CERS6: variants seen among roughly 807,000 people sequenced by gnomAD.
CERS6 encodes LAG1 homolog, ceramide synthase 6.
Under a neutral mutation model 56.8 loss-of-function variants are expected in CERS6, and 26 were observed. The observed-to-expected ratio is 0.46, with a 90% confidence interval of 0.34 to 0.63. The LOEUF (loss-of-function observed/expected upper bound fraction) is 0.63, where lower values mean the gene tolerates loss of function less well. CERS6 is among the 30% of genes least tolerant of loss of function. The pLI is 0.01. For synonymous variants in CERS6, 164 were observed against 173.3 expected (o/e 0.95, Z 0.42); for missense variants, 415 against 467.5 (o/e 0.89, Z 1.04).
chr2:168,645,187 A>AGT, intron 4 of CERS6, among the ~76,000 whole-genome samples: 1 of 95,192 alleles, frequency 1.1e-5, no homozygotes, highest in Non-Finnish European at 2.0e-5. Context: ...AGAGAGAGAG[A>AGT]GAGTAACTTC....
intron 8 of CERS6, among the ~76,000 whole-genome samples, chr2:168,751,209 T>C: frequency 6.6e-6 from 1 of 152,206 alleles, no homozygotes; most frequent in East Asian, 1.9e-4. Flanking sequence ...ACTTATTTAC[T>C]GCAATACTAA....
chr2:168,500,592 T>C (rs1694562054), intron 1 of CERS6, among the ~76,000 whole-genome samples: 1 of 152,294 alleles, frequency 6.6e-6, no homozygotes, highest in African/African-American at 2.4e-5. Flanking sequence ...GGGGGACAAT[T>C]ACAAGGAGGT....
chr2:168,665,697 T>A (rs1322450976), intron 4 of CERS6, among the ~76,000 whole-genome samples: 1 of 147,364 alleles, frequency 6.8e-6, no homozygotes, highest in Non-Finnish European at 1.5e-5. Context: ...TCTTTACATG[T>A]TCACTGCTGT....
intron 6 of CERS6, 103 bp from the exon 7 acceptor site, chr2:168,714,898 A>G (rs2105388901): frequency 2.0e-6 from 2 of 1,002,370 alleles, no homozygotes; most frequent in African/African-American, 1.6e-5. Context: ...CCTCAGTGCT[A>G]GGTTTGTGGA....
intron 1 of CERS6, among the ~76,000 whole-genome samples, chr2:168,485,684 A>G (rs1280250628): frequency 1.3e-5 from 2 of 152,166 alleles, no homozygotes; most frequent in Non-Finnish European, 2.9e-5. Context: ...TTGATAATTC[A>G]TTTTGTATGG....
intron 8 of CERS6, among the ~76,000 whole-genome samples, chr2:168,744,151 A>G (rs13026784): frequency 0.53 from 79,905 of 150,790 alleles, 23,567 homozygotes; most frequent in Admixed American, 0.64. Flanking sequence ...GACTACAGGC[A>G]CCCACCACCA....
At position 168,645,018 on chromosome 2, in the gene CERS6, G is replaced by A. The variant is rs1438280128; in HGVS notation, c.465+13976G>A. ...GAGGCAGGAGAATTTCTTGAACCCG[G>A]GGGCGGAGGTTGCAGTGAGCCGAGA... On this transcript the variant is annotated intron_variant, in intron 4 of 9. Transcript: ENST00000305747. 1.6e-4 allele frequency among the ~76,000 whole-genome samples: 23 copies of A among 140,852 alleles called. 1 individual carries two copies. Among genetic ancestry groups the A allele is most frequent in the African/African-American group, 5.3e-4 (20 of 37,560 alleles). The allele number at this position is 140,852 out of a possible 152,430, so 92.4% of individuals were successfully genotyped here.
intron 4 of CERS6, among the ~76,000 whole-genome samples, chr2:168,671,325 C>G (rs996579018): frequency 6.6e-6 from 1 of 152,056 alleles, no homozygotes; most frequent in Non-Finnish European, 1.5e-5. Context: ...TGCCAGCGTT[C>G]AGTTTGATTA....
At chr2:168,647,196 G>T (rs1029836131) in intron 4 of CERS6, among the ~76,000 whole-genome samples, 1 of 152,106 alleles carries the variant, frequency 6.6e-6, no homozygotes, top group Non-Finnish European at 1.5e-5. Context: ...TGTCTTCACT[G>T]ATTTCTTTGA....
intron 3 of CERS6, among the ~76,000 whole-genome samples, chr2:168,611,445 A>C (rs1471014244): frequency 6.6e-6 from 1 of 152,262 alleles, no homozygotes; most frequent in Non-Finnish European, 1.5e-5. Flanking sequence ...AAGGTCTTAC[A>C]TGATGACTTT....
chr2:168,690,865 A>T (rs1426140968), intron 4 of CERS6, among the ~76,000 whole-genome samples, 169 bp from the exon 5 acceptor site: 1 of 152,176 alleles, frequency 6.6e-6, no homozygotes, highest in Non-Finnish European at 1.5e-5. Flanking sequence ...ATATTGTATG[A>T]TACTAGTTGC....
At chr2:168,766,033 T>C (rs1244722956) in intron 9 of CERS6, among the ~76,000 whole-genome samples, 1 of 152,220 alleles carries the variant, frequency 6.6e-6, no homozygotes, top group Non-Finnish European at 1.5e-5. Flanking sequence ...CCTCTGATTA[T>C]ATTTATACTG....
At chr2:168,743,533 G>T (rs146358242) in intron 8 of CERS6, among the ~76,000 whole-genome samples, 385 of 119,012 alleles carry the variant, frequency 3.2e-3, no homozygotes, top group Non-Finnish European at 5.6e-3. Context: ...TACTTGGGAA[G>T]CTGAGGCGAG....
intron 1 of CERS6, among the ~76,000 whole-genome samples, chr2:168,497,421 G>A (rs150989978): frequency 2.6e-5 from 4 of 152,110 alleles, no homozygotes; most frequent in African/African-American, 7.2e-5. Flanking sequence ...AGGAAAGAAA[G>A]AAAAGAAAGA....
At chr2:168,562,623 T>G (rs932006238) in intron 3 of CERS6, among the ~76,000 whole-genome samples, 70 of 152,294 alleles carry the variant, frequency 4.6e-4, no homozygotes, top group African/African-American at 1.6e-3. Flanking sequence ...GAGTAAAGAA[T>G]AACAAGGCAG....
chr2:168,653,988 T>C (rs990852099), intron 4 of CERS6, among the ~76,000 whole-genome samples: 1 of 152,180 alleles, frequency 6.6e-6, no homozygotes, highest in Admixed American at 6.5e-5. Flanking sequence ...ATATATAATC[T>C]TCCTAATGAA....
intron 1 of CERS6, among the ~76,000 whole-genome samples, chr2:168,542,192 A>C (rs1695385394): frequency 6.6e-6 from 1 of 152,224 alleles, no homozygotes; most frequent in African/African-American, 2.4e-5. Flanking sequence ...CCTACACGAC[A>C]AAAAGAGAAT....
intron 6 of CERS6, among the ~76,000 whole-genome samples, chr2:168,707,978 C>T (rs1375358094): frequency 2.6e-5 from 4 of 151,986 alleles, no homozygotes; most frequent in Non-Finnish European, 5.9e-5. Flanking sequence ...GCCTTAAGGA[C>T]GTATTTTGTG....
intron 4 of CERS6, among the ~76,000 whole-genome samples, chr2:168,637,482 A>G (rs558674691): frequency 1.3e-5 from 2 of 151,252 alleles, no homozygotes; most frequent in South Asian, 4.2e-4. Flanking sequence ...GACGCCGTCT[A>G]AAAAAAAAGA....
Sources: allele counts gnomAD v4.1 joint callset (sites outside exome capture counted in the v4.1 genomes callset), GRCh38; gene constraint gnomAD v4.1.1; transcripts MANE v1.5; gene names NCBI Gene and HGNC (gene_info 2026-07-23, HGNC 2026-07-21).